The following CSMD3 variants were observed in gnomAD, a reference collection of about 807,000 sequenced individuals.
CSMD3 encodes CUB and Sushi multiple domains 3, also known as CUB and sushi domain-containing protein 3.
In CSMD3, 177 loss-of-function variants were observed where a neutral mutation model predicts 435.2. That is an observed-to-expected ratio of 0.41 (90% CI 0.36 to 0.46). CSMD3 has a LOEUF of 0.46. Among genes scored for constraint, CSMD3 ranks in the 20% least tolerant of loss-of-function variants. The pLI, the probability that CSMD3 is intolerant of heterozygous loss-of-function variation, is 0.34. For synonymous variants in CSMD3, 1,656 were observed against 1,520.5 expected, an observed-to-expected ratio of 1.09 and a Z score of -2.07; for missense variants, 4,265 against 4,504.6, an observed-to-expected ratio of 0.95 and a Z score of 1.52.
chr8:112,402,449 ACT>A (rs1481931204), intron 35 of CSMD3, among the ~76,000 whole-genome samples: 1 of 152,180 alleles, frequency 6.6e-6, no homozygotes, highest in South Asian at 2.1e-4. Flanking sequence ...TTCTTTGAAC[ACT>A]CTAACTAAAG....
At chr8:112,752,038 C>T (rs1389112760) in intron 13 of CSMD3, among the ~76,000 whole-genome samples, 2 of 152,014 alleles carry the variant, frequency 1.3e-5, no homozygotes, top group Non-Finnish European at 2.9e-5. Flanking sequence ...CCTTGTTAAC[C>T]TCTCTCCCTT....
intron 32 of CSMD3, among the ~76,000 whole-genome samples, chr8:112,446,019 C>T (rs1427275470): frequency 6.6e-6 from 1 of 152,084 alleles, no homozygotes; most frequent in East Asian, 1.9e-4. Flanking sequence ...ATCTTTTCTT[C>T]AAGAATATTT....
At chr8:112,906,749 A>C (rs753635788) in intron 10 of CSMD3, among the ~76,000 whole-genome samples, 2 of 151,538 alleles carry the variant, frequency 1.3e-5, no homozygotes, top group East Asian at 2.0e-4. Flanking sequence ...CAATAACTTT[A>C]AAAAGTTTTC....
At chr8:112,665,778 C>G (rs2075507348) in intron 17 of CSMD3, among the ~76,000 whole-genome samples, 1 of 151,970 alleles carries the variant, frequency 6.6e-6, no homozygotes, top group Non-Finnish European at 1.5e-5. Flanking sequence ...ATCAGTAATA[C>G]TAATTTTTCT....
At chr8:112,815,511 A>G (rs1195864617) in intron 12 of CSMD3, among the ~76,000 whole-genome samples, 1 of 152,164 alleles carries the variant, frequency 6.6e-6, no homozygotes, top group East Asian at 1.9e-4. Flanking sequence ...GGTCTTGCTT[A>G]TAACACTCAT....
intron 27 of CSMD3, among the ~76,000 whole-genome samples, chr8:112,535,881 A>G (rs1047232790): frequency 2.0e-5 from 3 of 152,148 alleles, no homozygotes; most frequent in East Asian, 3.9e-4. Flanking sequence ...ACCTACAACT[A>G]TCTGATCTTT....
chr8:112,987,189 G>A (rs1038702875), intron 6 of CSMD3, among the ~76,000 whole-genome samples: 1 of 151,948 alleles, frequency 6.6e-6, no homozygotes, highest in Non-Finnish European at 1.5e-5. Context: ...ATATCTAATA[G>A]TTTTATATCC....
intron 11 of CSMD3, among the ~76,000 whole-genome samples, chr8:112,833,207 C>T (rs1205539520): frequency 6.6e-6 from 1 of 152,008 alleles, no homozygotes; most frequent in Non-Finnish European, 1.5e-5. Flanking sequence ...TTTGGGCTTT[C>T]TAATGGAATT....
Position 113,307,528 on chromosome 8 carries a change from G to A in CSMD3, c.401+7043C>T, listed in dbSNP as rs1003268567. Among the ~76,000 whole-genome samples the A allele has an allele frequency of 2.6e-5, 4 of 151,958 alleles. No individual in the cohort carries two copies. The South Asian group carries it at 8.3e-4, about 32-fold the overall frequency. ...AACAAAATATAATATTAATAATTTGGACTTTGTTAAAATTAGAAACCTTAA... is the reference window on the plus strand; with the variant it reads ...AACAAAATATAATATTAATAATTTGAACTTTGTTAAAATTAGAAACCTTAA... On this transcript the variant is annotated intron_variant, in intron 2 of 70. Coordinates refer to ENST00000297405, the MANE Select transcript of CSMD3 (RefSeq NM_198123.2).
rs572501629 is a variant in CSMD3, at chr8:112,680,359, AAAACAAACAAAC to A, written c.2677+2071_2677+2082del. Among the ~76,000 whole-genome samples, 6 of 152,248 alleles carry A rather than the reference AAAACAAACAAAC, an allele frequency of 3.9e-5. No homozygotes were observed. The East Asian group carries it at 1.2e-3, about 29-fold the overall frequency. On this transcript the variant is annotated intron_variant, in intron 16 of 70. Coordinates refer to ENST00000297405, the MANE Select transcript of CSMD3 (RefSeq NM_198123.2). Reference sequence around the variant, plus strand: ...GGTGACAAAAGCAAAACTCCATCTCAAAACAAACAAACAAACAAACAAACAAAAATGCTAATG... The same window carrying A: ...GGTGACAAAAGCAAAACTCCATCTCAAAACAAACAAACAAAAATGCTAATG...
In CSMD3 at chr8:112,685,681, T is replaced by A. The variant is rs1442887224; in HGVS notation, c.2207A>T (p.Asp736Val). Residue 736 changes from aspartate (D) to valine (V), a missense_variant, in exon 15 of 71, where the codon GAT (aspartate) becomes GTT (valine). Transcript: ENST00000297405. The stretch of plus-strand genomic sequence containing the variant: ...ATTATTTCCATACCCTTCTGGGTAA[T>A]CAGGAGAAAGAACTGTTCCCATTGG... ...TAPMGTVLSP[D>V]YPEGYGNNLN... The A allele has an allele frequency of 6.2e-7, 1 of 1,613,374 alleles. No homozygotes were observed. Among genetic ancestry groups the A allele is most frequent in the Non-Finnish European group, 8.5e-7 (1 of 1,179,384 alleles).
rs142432198 is a variant in CSMD3 at position 112,952,113 on chromosome 8, C to T, written c.1420+2571G>A. ...TGAAATCAATTTTTGAAAAAGAACA[C>T]GGGGTAGATAGGGGCAATTCAGAGT... On this transcript the variant is annotated intron_variant, in intron 8 of 70. Transcript: ENST00000297405. Among the ~76,000 whole-genome samples the T allele has an allele frequency of 6.7e-3, 1,003 of 149,260 alleles. 6 individuals carry two copies. The highest frequency in any genetic ancestry group is 0.024 in the Middle Eastern group (7 of 292).
At chr8:112,360,216 C>T (rs180962357) in intron 38 of CSMD3, among the ~76,000 whole-genome samples, 2 of 151,956 alleles carry the variant, frequency 1.3e-5, no homozygotes, top group East Asian at 1.9e-4. Flanking sequence ...ACTGAGAAGG[C>T]CAAATTTTGT....
At chr8:112,852,732 C>T (rs1399896735) in intron 11 of CSMD3, among the ~76,000 whole-genome samples, 1 of 152,018 alleles carries the variant, frequency 6.6e-6, no homozygotes, top group Non-Finnish European at 1.5e-5. Context: ...ACCATCCTGG[C>T]TAACACGGTG....
chr8:112,707,275 T>C (rs183464245), intron 13 of CSMD3, among the ~76,000 whole-genome samples: 1 of 152,162 alleles, frequency 6.6e-6, no homozygotes. Context: ...CCACTCTTAC[T>C]TATTATGAAA....
intron 3 of CSMD3, among the ~76,000 whole-genome samples, chr8:113,266,999 A>C (rs529731993): frequency 6.6e-6 from 1 of 151,800 alleles, no homozygotes; most frequent in African/African-American, 2.4e-5. Context: ...TATATGAAAA[A>C]AATTTCAACA....
intron 13 of CSMD3, among the ~76,000 whole-genome samples, chr8:112,791,150 C>T (rs1167583457): frequency 6.6e-6 from 1 of 151,650 alleles, no homozygotes; most frequent in South Asian, 2.1e-4. Context: ...TGGTGAAACT[C>T]CATCTCTATA....
chr8:112,780,142 G>A (rs2078346549), intron 13 of CSMD3, among the ~76,000 whole-genome samples: 15 of 151,990 alleles, frequency 9.9e-5, no homozygotes, highest in Admixed American at 9.2e-4. Context: ...TTCTTATACA[G>A]TAACGCAAAT....
At chr8:113,405,263 A>G (rs942071016) in intron 1 of CSMD3, among the ~76,000 whole-genome samples, 7 of 151,528 alleles carry the variant, frequency 4.6e-5, no homozygotes, top group Non-Finnish European at 7.4e-5. Flanking sequence ...TTGTATCAGG[A>G]TATTTTTGAG....
Sources: gnomAD v4.1 joint callset for allele counts (sites outside exome capture counted in the v4.1 genomes callset) on GRCh38, gnomAD v4.1.1 for gene constraint, MANE v1.5 for transcripts, NCBI Gene and HGNC (gene_info 2026-07-23, HGNC 2026-07-21) for gene names.